SAMMSON: variants seen among roughly 807,000 people sequenced by gnomAD.
SAMMSON encodes survival associated mitochondrial melanoma specific oncogenic non-coding RNA.
At chr3:70,144,616 C>T (rs904026455) in intron 4 of SAMMSON, among the ~76,000 whole-genome samples, 1 of 152,116 alleles carries the variant, frequency 6.6e-6, no homozygotes, top group Non-Finnish European at 1.5e-5. Flanking sequence ...TGTCCCCACC[C>T]AAATCTCATC....
chr3:70,307,722 A>T (rs1702415760), intron 7 of SAMMSON, among the ~76,000 whole-genome samples: 1 of 152,112 alleles, frequency 6.6e-6, no homozygotes, highest in South Asian at 2.1e-4. Context: ...ACATATTTAC[A>T]GGCTCATATC....
chr3:70,016,113 G>T (rs1490737758), intron 3 of SAMMSON, among the ~76,000 whole-genome samples: 2 of 152,134 alleles, frequency 1.3e-5, no homozygotes, highest in Admixed American at 6.5e-5. Flanking sequence ...GGTATTTCTA[G>T]TTCTAGATCC....
At position 70,059,422 on chromosome 3, in the gene SAMMSON, T is replaced by C. The variant is rs114121504; in HGVS notation, n.418-12054T>C. Among the ~76,000 whole-genome samples the C allele has an allele frequency of 2.2e-3, 328 of 152,156 alleles. 4 individuals carry two copies. Among genetic ancestry groups the C allele is most frequent in the African/African-American group, 7.1e-3 (296 of 41,556 alleles). On this transcript the variant is annotated intron_variant and non_coding_transcript_variant, in intron 3 of 9. Transcript: ENST00000642114. Reference sequence around the variant, plus strand: ...TTCCCATGATCTGCCATCTGCAAGATGAAGGCCCAGGAAAGCTGATAGTGT... The same window carrying C: ...TTCCCATGATCTGCCATCTGCAAGACGAAGGCCCAGGAAAGCTGATAGTGT...
chr3:70,203,373 TG>T (rs1701259781), intron 4 of SAMMSON, among the ~76,000 whole-genome samples: 1 of 152,154 alleles, frequency 6.6e-6, no homozygotes, highest in Non-Finnish European at 1.5e-5. Context: ...TAATGTAGAA[TG>T]GGAATAAATA....
At chr3:70,429,731 T>C (rs138101086) in intron 2 of SAMMSON, among the ~76,000 whole-genome samples, 1,855 of 152,320 alleles carry the variant, frequency 0.012, 31 homozygotes, top group African/African-American at 0.042. Flanking sequence ...TTGTAGCAAT[T>C]GTGAATGGGA....
At chr3:70,023,257 C>A (rs1576099791) in intron 3 of SAMMSON, among the ~76,000 whole-genome samples, 1 of 151,974 alleles carries the variant, frequency 6.6e-6, no homozygotes, top group African/African-American at 2.4e-5. Flanking sequence ...GAGATCGAGA[C>A]CATCCTGGCT....
intron 3 of SAMMSON, among the ~76,000 whole-genome samples, chr3:70,048,577 G>A (rs1028629232): frequency 1.3e-5 from 2 of 151,728 alleles, no homozygotes; most frequent in Non-Finnish European, 2.9e-5. Flanking sequence ...ACTTTAAGAG[G>A]GTAAAACTGT....
chr3:70,121,283 C>T (rs1158793728), intron 4 of SAMMSON, among the ~76,000 whole-genome samples: 1 of 152,170 alleles, frequency 6.6e-6, no homozygotes, highest in Non-Finnish European at 1.5e-5. Flanking sequence ...GGCCACAGAT[C>T]AGTACTGGTC....
intron 3 of SAMMSON, among the ~76,000 whole-genome samples, chr3:70,062,448 A>C (rs139822425): frequency 3.9e-5 from 6 of 152,142 alleles, no homozygotes; most frequent in Non-Finnish European, 8.8e-5. Flanking sequence ...CCTCCTTAAA[A>C]TGTAAGCTCA....
intron 4 of SAMMSON, among the ~76,000 whole-genome samples, chr3:70,245,671 T>TTATATATATATATATATA (rs34480688): frequency 3.5e-5 from 2 of 57,222 alleles, no homozygotes; most frequent in Non-Finnish European, 6.8e-5. Flanking sequence ...GCAAACTGCT[T>TTATATATATATATATATA]TATATATATA....
chr3:70,319,665 C>T (rs991864227), intron 7 of SAMMSON, among the ~76,000 whole-genome samples: 1 of 151,884 alleles, frequency 6.6e-6, no homozygotes, highest in African/African-American at 2.4e-5. Flanking sequence ...ATGATAAGTA[C>T]CAAAGACTTG....
intron 4 of SAMMSON, among the ~76,000 whole-genome samples, chr3:70,176,296 C>G (rs1701008612): frequency 6.6e-6 from 1 of 152,018 alleles, no homozygotes; most frequent in Admixed American, 6.6e-5. Flanking sequence ...CAGGCGAAAC[C>G]CAAGAAATGT....
intron 4 of SAMMSON, among the ~76,000 whole-genome samples, chr3:70,080,427 T>A (rs2067263805): frequency 6.6e-6 from 1 of 152,134 alleles, no homozygotes; most frequent in Non-Finnish European, 1.5e-5. Context: ...TGAGTTAAGG[T>A]ATGGGAAACA....
chr3:70,201,279 T>A (rs1430548623), intron 4 of SAMMSON, among the ~76,000 whole-genome samples: 4 of 152,144 alleles, frequency 2.6e-5, no homozygotes, highest in Non-Finnish European at 1.5e-5. Context: ...CTCCCACTTA[T>A]GGGTGAGAAC....
chr3:70,342,963 G>A (rs977772246), intron 7 of SAMMSON, among the ~76,000 whole-genome samples: 1 of 152,212 alleles, frequency 6.6e-6, no homozygotes, highest in Non-Finnish European at 1.5e-5. Context: ...AAAGTTAGTT[G>A]TGGGTGTAAA....
intron 7 of SAMMSON, among the ~76,000 whole-genome samples, chr3:70,320,492 C>T (rs947885569): frequency 6.6e-6 from 1 of 151,996 alleles, no homozygotes; most frequent in African/African-American, 2.4e-5. Flanking sequence ...ATAATGGCAT[C>T]GTATATTTTG....
intron 4 of SAMMSON, among the ~76,000 whole-genome samples, chr3:70,175,493 A>G (rs149276270): frequency 1.5e-4 from 23 of 152,240 alleles, no homozygotes; most frequent in African/African-American, 5.3e-4. Context: ...GGGCTCTGTT[A>G]GGAGAGAAGC....
intron 3 of SAMMSON, among the ~76,000 whole-genome samples, chr3:70,045,086 A>AT (rs1398707586): frequency 2.2e-4 from 17 of 78,552 alleles, no homozygotes; most frequent in East Asian, 1.5e-3. Context: ...TAATATATAT[A>AT]ATTAATTATA....
At chr3:70,413,691 A>G (rs1701240681) in intron 2 of SAMMSON, among the ~76,000 whole-genome samples, 1 of 152,120 alleles carries the variant, frequency 6.6e-6, no homozygotes, top group South Asian at 2.1e-4. Flanking sequence ...TGCTATGCAT[A>G]TTCTATATAT....
Sources: allele counts gnomAD v4.1 joint callset (sites outside exome capture counted in the v4.1 genomes callset), GRCh38; gene constraint gnomAD v4.1.1; transcripts MANE v1.5; gene names NCBI Gene and HGNC (gene_info 2026-07-23, HGNC 2026-07-21).